The following MMRN2 variants were observed in gnomAD, a reference collection of about 807,000 sequenced individuals.
MMRN2 encodes the protein multimerin 2.
Under a neutral mutation model 68.8 loss-of-function variants are expected in MMRN2, and 53 were observed. That is an observed-to-expected ratio of 0.77 (90% CI 0.62 to 0.97). The LOEUF (loss-of-function observed/expected upper bound fraction) is 0.97. Among genes scored for constraint, MMRN2 ranks in the 50% least tolerant of loss-of-function variants. The probability of loss-of-function intolerance (pLI) is 0.00; values close to 1 mark genes in which losing one functional copy is unlikely to be tolerated. For missense variants in MMRN2, 1,266 were observed against 1,259.5 expected, an observed-to-expected ratio of 1.01 and a Z score of -0.08; for synonymous variants, 564 against 551.6, an observed-to-expected ratio of 1.02 and a Z score of -0.32.
intron 6 of MMRN2, among the ~76,000 whole-genome samples, chr10:86,939,834 TGTGTTTG>T (rs1843940921): frequency 4.5e-4 from 60 of 134,566 alleles, no homozygotes; most frequent in Non-Finnish European, 7.0e-4. Context: ...TGTGTGTGTG[TGTGTTTG>T]TGTGTGTGTG....
Position 86,943,293 on chromosome 10 carries a change from G to T in MMRN2, c.1491C>A (p.Leu497=). Residue 497 remains leucine (L), a synonymous_variant, in exon 6 of 7, where the codon CTC becomes CTA. Coordinates refer to ENST00000372027, the MANE Select transcript of MMRN2 (RefSeq NM_024756.3). The surrounding 1 kb of genome is among the most constrained non-coding windows in gnomAD (Gnocchi z 4.2). ...KYVKDCNCQK[L]YLDLDVIREG... is the part of the protein sequence containing the mutation. ...CCCGGATGACGTCCAGGTCTAAATA[G>T]AGCTTCTGGCAATTGCAGTCCTTCA... 1 of 1,613,792 alleles carries T rather than the reference G, an allele frequency of 6.2e-7. No individual in the cohort carries two copies. Among genetic ancestry groups the T allele is most frequent in the Non-Finnish European group, 8.5e-7 (1 of 1,180,028 alleles).
chr10:86,936,142 A>C lies in MMRN2; in HGVS notation c.*601T>G, dbSNP rs1843874692. ...GATATTTTAGGTGGGGGCACAGCTA[A>C]ACCATATCCTACAAGGAATGACTGA... On this transcript the variant is annotated 3_prime_UTR_variant, in exon 7 of 7. Coordinates refer to ENST00000372027, the MANE Select transcript of MMRN2 (RefSeq NM_024756.3). 3.0e-6 allele frequency: 1 copy of C among 328,976 alleles called. No homozygotes were observed. The highest frequency in any genetic ancestry group is 2.1e-5 in the African/African-American group (1 of 47,396). 20.4% of individuals were successfully genotyped at this position (328,976 alleles called of 1,614,324 possible).
Position 86,946,587 on chromosome 10 carries a change from G to C in MMRN2, c.165-898C>G, listed in dbSNP as rs1321057650. 1.1e-4 allele frequency among the ~76,000 whole-genome samples: 17 copies of C among 152,280 alleles called. 1 individual carries two copies. The highest frequency in any genetic ancestry group is 1.5e-5 in the Non-Finnish European group (1 of 68,024). ...CATGTACTGTGGTGGTCCCAGGAGCGGGGGGACACTCATGCTGACAGAGCC... is the reference window on the plus strand; with the variant it reads ...CATGTACTGTGGTGGTCCCAGGAGCCGGGGGACACTCATGCTGACAGAGCC... On this transcript the variant is annotated intron_variant, in intron 1 of 6. Transcript: ENST00000372027.
At chr10:86,953,587 C>A (rs1196470978) in intron 1 of MMRN2, among the ~76,000 whole-genome samples, 2 of 152,176 alleles carry the variant, frequency 1.3e-5, no homozygotes, top group Non-Finnish European at 2.9e-5. Context: ...ATTGTCACGA[C>A]TGGGTGGTGG....
At chr10:86,949,029 C>A (rs1844108953) in intron 1 of MMRN2, 1 of 152,156 alleles carries the variant, frequency 6.6e-6, no homozygotes, top group Non-Finnish European at 1.5e-5. Context: ...CAGTTACCTG[C>A]AATATGATGA....
At chr10:86,945,871 C>G in intron 1 of MMRN2, 182 bp from the exon 2 acceptor site, 1 of 1,429,738 alleles carries the variant, frequency 7.0e-7, no homozygotes, top group Non-Finnish European at 9.1e-7. Context: ...GTTTCACAAT[C>G]CCTACCTGCA....
In MMRN2 at chr10:86,945,491, G is replaced by A. The variant is rs1482834545; in HGVS notation, c.294-15C>T. 2 of 1,556,608 alleles carry A rather than the reference G, an allele frequency of 1.3e-6. No individual in the cohort carries two copies. The highest frequency in any genetic ancestry group is 1.4e-5 in the African/African-American group (1 of 73,720). Reference sequence around the variant, plus strand: ...CCATGCGGTACCTGGAAGAGGAGAAGGGCTGGCTCAGTGATTCCAGGGAGG... The same window carrying A: ...CCATGCGGTACCTGGAAGAGGAGAAAGGCTGGCTCAGTGATTCCAGGGAGG... On this transcript the variant is annotated splice_polypyrimidine_tract_variant and intron_variant, in intron 2 of 6. Coordinates refer to ENST00000372027, the MANE Select transcript of MMRN2 (RefSeq NM_024756.3).
rs1215744568 is a variant in MMRN2, at chr10:86,943,103, T to C, written c.1681A>G (p.Thr561Ala). ...TGCACTTGGCTCCGGAGCCGCGACG[T>C]GGCCGCCCGCGCCCGCTCGCCCTCC... is the stretch of plus-strand genomic sequence containing the variant. ...KAEGERARAA[T>A]SRLRSQVQAL... Residue 561 changes from threonine (T) to alanine (A), a missense_variant, in exon 6 of 7, where the codon ACG becomes GCG. Physicochemically the swap from Thr to Ala is moderately conservative, Grantham distance 58. Transcript: ENST00000372027. The surrounding 1 kb of genome is among the most constrained non-coding windows in gnomAD (Gnocchi z 4.2). The C allele has an allele frequency of 1.4e-6, 2 of 1,468,900 alleles. No individual in the cohort carries two copies. Among genetic ancestry groups the C allele is most frequent in the Non-Finnish European group, 1.8e-6 (2 of 1,119,686 alleles). The allele number at this position is 1,468,900 out of a possible 1,614,324, so 91.0% of individuals were successfully genotyped here. A position where few individuals can be genotyped will look rare whatever the true frequency, so the allele number is the denominator to read the frequency against.
Position 86,945,558 on chromosome 10 carries a change from C to T in MMRN2, c.293+3G>A, listed in dbSNP as rs1360527175. 3.8e-6 allele frequency: 6 copies of T among 1,589,062 alleles called. No individual in the cohort carries two copies. The highest frequency in any genetic ancestry group is 5.1e-6 in the Non-Finnish European group (6 of 1,167,228). On this transcript the variant is annotated splice_donor_region_variant and intron_variant, in intron 2 of 6. Coordinates refer to ENST00000372027, the MANE Select transcript of MMRN2 (RefSeq NM_024756.3). The stretch of plus-strand genomic sequence containing the variant: ...GGCAAATGGCCCACCCTCCCCTACT[C>T]ACATGACTTTGACTTTCTGGCAGTC...
chr10:86,942,361 G>A lies in MMRN2; in HGVS notation c.2423C>T (p.Thr808Ile). Residue 808 changes from threonine to isoleucine, a missense_variant, in exon 6 of 7, where the codon ACA (threonine) becomes ATA (isoleucine). Coordinates refer to ENST00000372027, the MANE Select transcript of MMRN2 (RefSeq NM_024756.3). ...GCCCAAGGCACCTGGCACAGGCCCT[G>A]TGACCCGTATGTCCACCAAAGGCTC... is the stretch of plus-strand genomic sequence containing the variant. ...EAEPLVDIRV[T>I]GPVPGALGAA... The A allele has an allele frequency of 1.2e-6, 2 of 1,614,082 alleles. No individual in the cohort carries two copies. The highest frequency in any genetic ancestry group is 8.5e-7 in the Non-Finnish European group (1 of 1,179,978).
Position 86,957,382 on chromosome 10 carries a change from C to CAAGGAGGGCG in MMRN2, c.159_160insCGCCCTCCTT (p.Gly54ArgfsTer6). 3 of 1,613,094 alleles carry CAAGGAGGGCG rather than the reference C, an allele frequency of 1.9e-6. No homozygotes were observed. Among genetic ancestry groups the CAAGGAGGGCG allele is most frequent in the Non-Finnish European group, 2.5e-6 (3 of 1,179,870 alleles). On this transcript the variant is annotated frameshift_variant, in exon 1 of 7. Coordinates refer to ENST00000372027, the MANE Select transcript of MMRN2 (RefSeq NM_024756.3). LOFTEE classifies it high-confidence loss of function. ...CCAAGGTCCAGGCCCTCTTACCGTC[C>CAAGGAGGGCG]TACGGGGTCCTTGCCGGTGTCCTCA... is the stretch of plus-strand genomic sequence containing the variant.
At position 86,957,436 on chromosome 10, in the gene MMRN2, T is replaced by C. The variant is rs751311690; in HGVS notation, c.106A>G (p.Arg36Gly). The C allele has an allele frequency of 6.2e-7, 1 of 1,613,828 alleles. No homozygotes were observed. Reference protein sequence around the residue: ...STSLSDLQSSRTPGVWKAEAE... With the variant: ...STSLSDLQSSGTPGVWKAEAE... ...TCTGCCTTCCAGACCCCAGGTGTCC[T>C]GGAGCTCTGCAGATCAGAGAGGCTA... The change falls in exon 1 of 7, where the codon AGG becomes GGG. Residue 36 changes from arginine (R) to glycine (G), a missense_variant. By Grantham distance (125) the Arg-to-Gly change is moderately radical (BLOSUM62 -2). Coordinates refer to ENST00000372027, the MANE Select transcript of MMRN2 (RefSeq NM_024756.3).
At position 86,945,835 on chromosome 10, in the gene MMRN2, A is replaced by G. The variant is rs1279710081; in HGVS notation, c.165-146T>C. Reference sequence around the variant, plus strand: ...TCCTGAGAAGAGAGCCTTCCGCATTATTCATCCCTGGGCTCCAGAGCAAAT... The same window carrying G: ...TCCTGAGAAGAGAGCCTTCCGCATTGTTCATCCCTGGGCTCCAGAGCAAAT... On this transcript the variant is annotated intron_variant, in intron 1 of 6. Transcript: ENST00000372027. The G allele has an allele frequency of 2.0e-6, 3 of 1,476,058 alleles. No individual in the cohort carries two copies. In the African/African-American group the frequency reaches 4.2e-5, roughly 21 times the overall value. 91.4% of individuals were successfully genotyped at this position (1,476,058 alleles called of 1,614,324 possible). A position where few individuals can be genotyped will look rare whatever the true frequency, so the allele number is the denominator to read the frequency against.
At chr10:86,937,312 C>T (rs140128761) in intron 6 of MMRN2, among the ~76,000 whole-genome samples, 187 bp from the exon 7 acceptor site, 1 of 152,126 alleles carries the variant, frequency 6.6e-6, no homozygotes, top group Non-Finnish European at 1.5e-5. Context: ...CTGTTTTTCA[C>T]TAATAGAGAG....
intron 1 of MMRN2, chr10:86,949,737 ATGG>A (rs1345714042): frequency 6.6e-6 from 1 of 151,688 alleles, no homozygotes; most frequent in Non-Finnish European, 1.5e-5. Context: ...TTAGCCGGGC[ATGG>A]TGGTGCACGC....
chr10:86,950,326 A>G (rs1388945632), intron 1 of MMRN2, among the ~76,000 whole-genome samples: 4 of 151,884 alleles, frequency 2.6e-5, no homozygotes, highest in Non-Finnish European at 5.9e-5. Context: ...GGTGACAGTG[A>G]GAGACTCCGT....
chr10:86,952,692 C>T (rs1844161547), intron 1 of MMRN2, among the ~76,000 whole-genome samples: 1 of 152,148 alleles, frequency 6.6e-6, no homozygotes. Flanking sequence ...GGGGCAAGGA[C>T]AAAATCAAAA....
chr10:86,936,837 C>T lies in MMRN2; in HGVS notation c.2756G>A (p.Gly919Asp), dbSNP rs74794209. Residue 919 changes from glycine (G) to aspartate (D), a missense_variant, in exon 7 of 7, where the codon GGT becomes GAT. Coordinates refer to ENST00000372027, the MANE Select transcript of MMRN2 (RefSeq NM_024756.3). ...TVFAMAELQK[G>D]ERVWFELTQG... ...GGTTAACTCAAACCATACTCGCTCA[C>T]CCTTCTGCAGCTCAGCCATGGCAAA... 19 of 1,614,096 alleles carry T rather than the reference C, an allele frequency of 1.2e-5. No individual in the cohort carries two copies. The highest frequency in any genetic ancestry group is 1.6e-5 in the Non-Finnish European group (19 of 1,180,054).
chr10:86,945,812 C>T (rs768237403), intron 1 of MMRN2, 123 bp from the exon 2 acceptor site: 4 of 1,533,884 alleles, frequency 2.6e-6, no homozygotes, highest in Admixed American at 3.9e-5. Flanking sequence ...ATCCATTATC[C>T]TGAGAAGAGA....
Sources: gnomAD v4.1 joint callset for allele counts (sites outside exome capture counted in the v4.1 genomes callset) on GRCh38, gnomAD v4.1.1 for gene constraint, Gnocchi (gnomAD v3.1) non-coding constraint, MANE v1.5 for transcripts, NCBI Gene and HGNC (gene_info 2026-07-23, HGNC 2026-07-21) for gene names.